Variants in ENTPD8 observed in about 807,000 individuals in gnomAD.
The protein encoded by ENTPD8 is E-NTPDase 8.
A neutral mutation model predicts 47.0 loss-of-function variants in ENTPD8; 35 were observed. The ratio of observed to expected loss-of-function variants is 0.75; its 90% CI spans 0.57 to 0.99. The LOEUF (loss-of-function observed/expected upper bound fraction) is 0.99. Ranked by LOEUF, ENTPD8 falls within the 50% of genes least tolerant of loss-of-function variation. ENTPD8 has a pLI of 0.00. For missense variants in ENTPD8, 668 were observed against 649.9 expected, an observed-to-expected ratio of 1.03 and a Z score of -0.30; for synonymous variants, 308 against 290.5, an observed-to-expected ratio of 1.06 and a Z score of -0.61.
Position 137,436,077 on chromosome 9 carries a change from C to T in ENTPD8, c.986G>A (p.Cys329Tyr). The change falls in exon 7 of 10, where the codon TGC (cysteine) becomes TAC (tyrosine). Residue 329 changes from cysteine (C) to tyrosine (Y), a missense_variant. By Grantham distance (194) the Cys-to-Tyr change is radical (BLOSUM62 -2). Coordinates refer to ENST00000371506, the MANE Select transcript of ENTPD8 (RefSeq NM_001033113.2). ...AIRELFNFSS[C>Y]QGQEDCAFDG... The stretch of plus-strand genomic sequence containing the variant: ...AAAGGCGCAGTCCTCCTGGCCCTGG[C>T]AGCTGGAGAAGTTGAAAAGTTCCCG... The T allele has an allele frequency of 1.2e-6, 2 of 1,612,994 alleles. No homozygotes were observed. Among genetic ancestry groups the T allele is most frequent in the South Asian group, 1.1e-5 (1 of 91,090 alleles).
In ENTPD8 at chr9:137,435,490, T is replaced by TA; in HGVS notation, c.1162-153dup. 5 of 1,363,810 alleles carry TA rather than the reference T, an allele frequency of 3.7e-6. No homozygotes were observed. In the South Asian group the frequency reaches 7.5e-5, roughly 20 times the overall value. 84.5% of individuals were successfully genotyped at this position (1,363,810 alleles called of 1,614,324 possible). ...CCCCTCCCTGGCCCCACCGACCAGT[T>TA]ACGTGGTGCGGGTTGCGGCCCCTTC... is the stretch of plus-strand genomic sequence containing the variant. On this transcript the variant is annotated intron_variant, in intron 8 of 9. Coordinates refer to ENST00000371506, the MANE Select transcript of ENTPD8 (RefSeq NM_001033113.2).
In ENTPD8 at chr9:137,436,648, GGGC is replaced by G; in HGVS notation, c.656_658del (p.Gly219_Pro220delinsAla). The G allele has an allele frequency of 8.7e-6, 14 of 1,602,570 alleles. No homozygotes were observed. Among genetic ancestry groups the G allele is most frequent in the Non-Finnish European group, 1.2e-5 (14 of 1,175,326 alleles). On this transcript the variant is annotated inframe_deletion, in exon 6 of 10. Coordinates refer to ENST00000371506, the MANE Select transcript of ENTPD8 (RefSeq NM_001033113.2). Reference sequence around the variant, plus strand: ...GGCCTGGGTGCTCTTGTCCAAGATGGGGCCCCCAGGCACGAACGTGATCTGGGT... The same window carrying G: ...GGCCTGGGTGCTCTTGTCCAAGATGGCCCCAGGCACGAACGTGATCTGGGT...
At chr9:137,439,097 T>C (rs1442605526) in intron 1 of ENTPD8, among the ~76,000 whole-genome samples, 8 of 152,008 alleles carry the variant, frequency 5.3e-5, no homozygotes, top group Non-Finnish European at 1.0e-4. Flanking sequence ...GGAAGCCGAG[T>C]GTGAGGCTTC....
At chr9:137,436,329 C>A (rs1217166942) in intron 6 of ENTPD8, 53 bp from the exon 7 acceptor site, 1 of 1,488,798 alleles carries the variant, frequency 6.7e-7, no homozygotes, top group African/African-American at 1.4e-5. Context: ...GGCCCTGTGC[C>A]CCTCCCCGGG....
chr9:137,437,042 A>G lies in ENTPD8; in HGVS notation c.396-14T>C. The G allele has an allele frequency of 6.2e-7, 1 of 1,610,124 alleles. No homozygotes were observed. Among genetic ancestry groups the G allele is most frequent in the South Asian group, 1.1e-5 (1 of 90,940 alleles). On this transcript the variant is annotated splice_polypyrimidine_tract_variant and intron_variant, in intron 4 of 9. Transcript: ENST00000371506. ...CTGTTCTTCCGGCTGGGCACAGAGGACCAGGGGCTGGAGCTGGCTGGAAGC... is the reference window on the plus strand; with the variant it reads ...CTGTTCTTCCGGCTGGGCACAGAGGGCCAGGGGCTGGAGCTGGCTGGAAGC...
chr9:137,440,081 GC>G (rs200809968), intron 1 of ENTPD8, among the ~76,000 whole-genome samples: 1 of 20,424 alleles, frequency 4.9e-5, no homozygotes, highest in Non-Finnish European at 8.0e-5. Context: ...GACCAGGACA[GC>G]CCCCCCAGAC....
rs1260391931 is a variant in ENTPD8 at position 137,438,379 on chromosome 9, G to A, written c.-20-74C>T. 48 of 1,410,624 alleles carry A rather than the reference G, an allele frequency of 3.4e-5. No homozygotes were observed. Among genetic ancestry groups the A allele is most frequent in the African/African-American group, 8.6e-5 (6 of 69,434 alleles). 87.4% of individuals were successfully genotyped at this position (1,410,624 alleles called of 1,614,324 possible). ...CCCGCCCTCCAGAGGCAGAGGCTTC[G>A]CTCCCCGTCTCCCTGGAGACGCACC... On this transcript the variant is annotated intron_variant, in intron 1 of 9. Transcript: ENST00000371506. The surrounding 1 kb of genome is among the most constrained non-coding windows in gnomAD (Gnocchi z 5.7).
At position 137,436,588 on chromosome 9, in the gene ENTPD8, T is replaced by A. The variant is rs1265445540; in HGVS notation, c.719A>T (p.Tyr240Phe). Residue 240 changes from tyrosine to phenylalanine, a missense_variant, in exon 6 of 10, where the codon TAC (tyrosine) becomes TTC (phenylalanine). Tyr to Phe is a conservative substitution (Grantham distance 22, BLOSUM62 3). Transcript: ENST00000371506. ...TCCAAAGCACAGGTAGCTGTGAGTG[T>A]AGACGCTGTAGTCGGAGCCGTAGAG... Reference protein sequence around the residue: ...FRLYGSDYSVYTHSYLCFGRD... With the variant: ...FRLYGSDYSVFTHSYLCFGRD... 4 of 1,611,948 alleles carry A rather than the reference T, an allele frequency of 2.5e-6. 1 individual carries two copies. The South Asian group carries it at 4.4e-5, about 18-fold the overall frequency.
rs61730140 is a variant in ENTPD8, at chr9:137,438,050, G to A, written c.161C>T (p.Thr54Met). ...GIVFDAGSSH[T>M]SLFLYQWLAN... ...CAGCCACTGATACAGGAAGAGGGAC[G>A]TGTGGGAGGAGCCCGCATCAAACAC... The change falls in exon 3 of 10, where the codon ACG (threonine) becomes ATG (methionine). Residue 54 changes from threonine (T) to methionine (M), a missense_variant. Transcript: ENST00000371506. This position sits in a 1 kb window ranked among gnomAD's most constrained non-coding sequence, Gnocchi z 5.7. 3.3e-4 allele frequency: 539 copies of A among 1,612,900 alleles called. 2 individuals are homozygous for A. The highest frequency in any genetic ancestry group is 2.7e-4 in the Non-Finnish European group (323 of 1,179,876).
chr9:137,437,897 T>G, intron 3 of ENTPD8, 70 bp downstream of exon 3: 1 of 1,370,114 alleles, frequency 7.3e-7, no homozygotes, highest in South Asian at 1.3e-5. Flanking sequence ...ACCCTTTCCG[T>G]GCAGCTGGGA....
At position 137,435,303 on chromosome 9, in the gene ENTPD8, C is replaced by T; in HGVS notation, c.1197G>A (p.Leu399=). The change falls in exon 9 of 10, where the codon CTG becomes CTA. Residue 399 remains leucine (L), a synonymous_variant. Coordinates refer to ENST00000371506, the MANE Select transcript of ENTPD8 (RefSeq NM_001033113.2). ...ACAGGCCTGAGGCACAGTAGTCCCG[C>T]AGCCAGCGGTCCTGCCCAGGGTAGC... ...EASYPGQDRW[L]RDYCASGLYI... 6.2e-7 allele frequency: 1 copy of T among 1,612,336 alleles called. No individual in the cohort carries two copies.
At position 137,434,901 on chromosome 9, in the gene ENTPD8, C is replaced by A. The variant is rs368689405; in HGVS notation, c.*13G>T. 1.2e-5 allele frequency: 19 copies of A among 1,598,956 alleles called. 1 individual carries two copies. The African/African-American group carries it at 1.5e-4, about 12-fold the overall frequency. On this transcript the variant is annotated 3_prime_UTR_variant, in exon 10 of 10. Coordinates refer to ENST00000371506, the MANE Select transcript of ENTPD8 (RefSeq NM_001033113.2). ...GCCTGTGGGCTCTGTGGGGGCCCAC[C>A]TCCGCCTTCCCACTAGTCCTGCAAC...
chr9:137,435,593 C>A (rs1839322054), intron 8 of ENTPD8, 126 bp downstream of exon 8: 2 of 1,098,010 alleles, frequency 1.8e-6, no homozygotes, highest in Admixed American at 4.4e-5. Context: ...TGGAGCTGTC[C>A]TCTGCCCTTG....
chr9:137,436,188 C>A lies in ENTPD8; in HGVS notation c.875G>T (p.Cys292Phe). The A allele has an allele frequency of 6.2e-7, 1 of 1,612,818 alleles. No homozygotes were observed. Among genetic ancestry groups the A allele is most frequent in the Non-Finnish European group, 8.5e-7 (1 of 1,179,914 alleles). The change falls in exon 7 of 10, where the codon TGT becomes TTT. Residue 292 changes from cysteine to phenylalanine, a missense_variant. Physicochemically the swap from Cys to Phe is radical, Grantham distance 205. Coordinates refer to ENST00000371506, the MANE Select transcript of ENTPD8 (RefSeq NM_001033113.2). ...LALGPLYESPCVHATPPLSLP... is the reference protein window; with the variant it reads ...LALGPLYESPFVHATPPLSLP... ...GCTCAGCGGGGGCGTGGCGTGGACA[C>A]AGGGTGACTCATACAGCGGGCCCAG...
Position 137,434,878 on chromosome 9 carries a change from C to T in ENTPD8, c.*36G>A. 3 of 1,565,040 alleles carry T rather than the reference C, an allele frequency of 1.9e-6. No individual in the cohort carries two copies. The highest frequency in any genetic ancestry group is 2.6e-6 in the Non-Finnish European group (3 of 1,155,402). ...CCTCCAGCATCCGGGACGCAGCTGC[C>T]TGTGGGCTCTGTGGGGGCCCACCTC... On this transcript the variant is annotated 3_prime_UTR_variant, in exon 10 of 10. Transcript: ENST00000371506.
rs1203068015 is a variant in ENTPD8 at position 137,437,140 on chromosome 9, A to G, written c.395+19T>C. 6 of 1,610,908 alleles carry G rather than the reference A, an allele frequency of 3.7e-6. No individual in the cohort carries two copies. The highest frequency in any genetic ancestry group is 5.1e-6 in the Non-Finnish European group (6 of 1,179,122). ...TCTGCAGCCACTCCCCGTGGGTGCC[A>G]AGGCCATGCCTGCCTCACCTGAGCA... On this transcript the variant is annotated intron_variant, in intron 4 of 9. Coordinates refer to ENST00000371506, the MANE Select transcript of ENTPD8 (RefSeq NM_001033113.2).
rs747615538 is a variant in ENTPD8 at position 137,435,034 on chromosome 9, C to T, written c.1368G>A (p.Ala456=). ...AGCTCTCTGCCCGCCACTGAGCCGG[C>T]GCATCGGCCGGGATCATCCCGGTCA... ...LNLTGMIPAD[A]PAQWRAESYG... The change falls in exon 10 of 10, where the codon GCG becomes GCA. Residue 456 remains alanine, a synonymous_variant. Coordinates refer to ENST00000371506, the MANE Select transcript of ENTPD8 (RefSeq NM_001033113.2). The T allele has an allele frequency of 1.2e-5, 19 of 1,612,624 alleles. 1 individual carries two copies. Among genetic ancestry groups the T allele is most frequent in the East Asian group, 1.1e-4 (5 of 44,884 alleles).
In ENTPD8 at chr9:137,437,004, C is replaced by T. The variant is rs1488606047; in HGVS notation, c.420G>A (p.Arg140=). The change falls in exon 5 of 10, where the codon AGG becomes AGA. Residue 140 remains arginine (R), a synonymous_variant. Coordinates refer to ENST00000371506, the MANE Select transcript of ENTPD8 (RefSeq NM_001033113.2). ...CCTGGGTGACTGCTGCAAAGATGTC[C>T]CTGGCCTGAGAGCTGTTCTTCCGGC... ...LLSRKNSSQA[R]DIFAAVTQVL... is the part of the protein sequence containing the mutation. 1 of 1,612,810 alleles carries T rather than the reference C, an allele frequency of 6.2e-7. No individual in the cohort carries two copies. The highest frequency in any genetic ancestry group is 2.2e-5 in the East Asian group (1 of 44,880).
intron 1 of ENTPD8, among the ~76,000 whole-genome samples, chr9:137,439,973 TCCCCCAGACCAGGACAGC>T (rs1277743237): frequency 2.4e-4 from 3 of 12,646 alleles, no homozygotes; most frequent in African/African-American, 3.6e-4. Flanking sequence ...GACAGAACAG[TCCCCCAGACCAGGACAGC>T]CCCCCAGACC....
Sources: gnomAD v4.1 joint callset for allele counts (sites outside exome capture counted in the v4.1 genomes callset) on GRCh38, gnomAD v4.1.1 for gene constraint, Gnocchi (gnomAD v3.1) non-coding constraint, MANE v1.5 for transcripts, NCBI Gene and HGNC (gene_info 2026-07-23, HGNC 2026-07-21) for gene names.